The following ANK2 variants were observed in gnomAD, a reference collection of about 807,000 sequenced individuals.
ANK2 encodes the protein ankyrin 2.
ANK2 carries 83 observed loss-of-function variants against 360.5 expected under a neutral mutation model. That is an observed-to-expected ratio of 0.23 (90% CI 0.19 to 0.28). The LOEUF (loss-of-function observed/expected upper bound fraction) is 0.28, where lower values mean the gene tolerates loss of function less well. Among genes scored for constraint, ANK2 ranks in the 10% least tolerant of loss-of-function variants. ANK2 has a pLI of 1.00. For missense variants in ANK2, 4,201 were observed against 4,795.7 expected (o/e 0.88, Z 3.66); for synonymous variants, 1,740 against 1,759.5 (o/e 0.99, Z 0.28).
chr4:113,373,019 T>C, intron 43 of ANK2, 71 bp from the exon 44 acceptor site: 2 of 1,240,800 alleles, frequency 1.6e-6, no homozygotes, highest in Non-Finnish European at 2.4e-6. Context: ...CCTCACATTA[T>C]AAGCACTTGG....
intron 1 of ANK2, among the ~76,000 whole-genome samples, chr4:112,896,409 A>C (rs923063764): frequency 6.6e-6 from 1 of 152,234 alleles, no homozygotes; most frequent in African/African-American, 2.4e-5. Flanking sequence ...TATTTAAGCA[A>C]GTAACAATTC....
rs569369565 is a variant in ANK2, at chr4:113,023,665, T to C, written c.21+119151T>C. Among the ~76,000 whole-genome samples, 5 of 152,354 alleles carry C rather than the reference T, an allele frequency of 3.3e-5. No homozygotes were observed. In the South Asian group the frequency reaches 1.0e-3, roughly 32 times the overall value. On this transcript the variant is annotated intron_variant, in intron 2 of 30. Transcript: ENST00000503271. ...CTCCACCGGCAACATTTCATCTTCATTTATTTAATCGTTGTTTTCTGTCTT... is the reference window on the plus strand; with the variant it reads ...CTCCACCGGCAACATTTCATCTTCACTTATTTAATCGTTGTTTTCTGTCTT...
At chr4:112,906,316 G>A (rs1032636562) in intron 2 of ANK2, among the ~76,000 whole-genome samples, 1 of 152,092 alleles carries the variant, frequency 6.6e-6, no homozygotes, top group African/African-American at 2.4e-5. Context: ...GAGAAGCAGG[G>A]GTAGAAACCA....
At chr4:113,344,247 C>T (rs1025506068) in intron 34 of ANK2, among the ~76,000 whole-genome samples, 2 of 152,134 alleles carry the variant, frequency 1.3e-5, no homozygotes, top group Non-Finnish European at 2.9e-5. Flanking sequence ...CTTCAGTAGA[C>T]ATTTCTCCAA....
intron 1 of ANK2, among the ~76,000 whole-genome samples, chr4:112,845,583 G>T (rs947246775): frequency 2.0e-5 from 3 of 152,116 alleles, no homozygotes; most frequent in Non-Finnish European, 4.4e-5. Flanking sequence ...CCCTCTCCTG[G>T]GGTTGGGGAA....
At chr4:113,313,783 C>A (rs908481963) in intron 24 of ANK2, 1 of 7,208 alleles carries the variant, frequency 1.4e-4, no homozygotes, top group African/African-American at 4.7e-4. Flanking sequence ...TGTGTGTTGC[C>A]GGGGCGGGGG....
chr4:112,977,405 A>G (rs2041792350), intron 2 of ANK2, among the ~76,000 whole-genome samples: 2 of 152,080 alleles, frequency 1.3e-5, no homozygotes, highest in Non-Finnish European at 2.9e-5. Context: ...TAATTTTAAG[A>G]TATAAAGAAA....
chr4:113,237,466 G>A, intron 6 of ANK2, 133 bp from the exon 7 acceptor site: 1 of 897,910 alleles, frequency 1.1e-6, no homozygotes, highest in South Asian at 1.3e-5. Context: ...GGTGCTTGGG[G>A]ATGTCTTCTT....
intron 2 of ANK2, among the ~76,000 whole-genome samples, chr4:112,942,072 T>C (rs1046850545): frequency 1.3e-5 from 2 of 152,026 alleles, no homozygotes; most frequent in Non-Finnish European, 1.5e-5. Context: ...ATTTTCCTAA[T>C]TTTCTATAAT....
rs957255788 is a variant in ANK2, at chr4:113,330,292, G to C, written c.2947G>C (p.Gly983Arg). The C allele has an allele frequency of 6.2e-7, 1 of 1,614,092 alleles. No homozygotes were observed. Among genetic ancestry groups the C allele is most frequent in the African/African-American group, 1.3e-5 (1 of 74,950 alleles). Residue 983 changes from glycine (G) to arginine (R), a missense_variant, in exon 27 of 46, where the codon GGA becomes CGA. Physicochemically the swap from Gly to Arg is moderately radical, Grantham distance 125. Around this residue, in one of 4 missense-constraint regions of ANK2, gnomAD observed 1,268 missense variants for 1,650.8 expected, o/e 0.77. Transcript: ENST00000357077. ...MVDARGGAMRGCRHNGLRIII... is the reference protein window; with the variant it reads ...MVDARGGAMRRCRHNGLRIII... ...GGATGCCCGAGGTGGTGCTATGCGA[G>C]GATGCAGACACAATGGGCTCCGAAT...
At chr4:112,760,583 G>A in the ANK2 span, among the ~76,000 whole-genome samples, 1 of 148,812 alleles carries the variant, frequency 6.7e-6, no homozygotes, top group African/African-American at 2.5e-5. Flanking sequence ...GGGTACATGT[G>A]CACAACGTGC....
chr4:113,027,625 C>T (rs2059557549), intron 2 of ANK2, among the ~76,000 whole-genome samples: 1 of 152,070 alleles, frequency 6.6e-6, no homozygotes, highest in East Asian at 1.9e-4. Flanking sequence ...CCCCAGGTGT[C>T]TTACAGCCAT....
At chr4:112,958,619 GA>G (rs112599902) in intron 2 of ANK2, among the ~76,000 whole-genome samples, 1,861 of 151,776 alleles carry the variant, frequency 0.012, 35 homozygotes, top group African/African-American at 0.041. Flanking sequence ...GGGAGAGGGA[GA>G]GGGGGGAGAG....
chr4:112,812,657 A>C, the ANK2 span, among the ~76,000 whole-genome samples: 2 of 152,174 alleles, frequency 1.3e-5, no homozygotes, highest in Non-Finnish European at 2.9e-5. Context: ...CCCTTCCCAG[A>C]CTACAGATTT....
chr4:113,263,715 A>G (rs927559688), intron 13 of ANK2, among the ~76,000 whole-genome samples: 2 of 152,222 alleles, frequency 1.3e-5, no homozygotes, highest in African/African-American at 4.8e-5. Flanking sequence ...GGAATGGTTT[A>G]CTTTACTTGG....
chr4:112,852,101 T>C (rs1282100916), intron 1 of ANK2, among the ~76,000 whole-genome samples: 1 of 152,254 alleles, frequency 6.6e-6, no homozygotes, highest in African/African-American at 2.4e-5. Context: ...TTAGACTAGA[T>C]AGAAACTGGA....
the ANK2 span, among the ~76,000 whole-genome samples, chr4:112,764,947 C>G: frequency 6.6e-6 from 1 of 151,776 alleles, no homozygotes; most frequent in African/African-American, 2.4e-5. Context: ...CTCAGGTGAT[C>G]CACCCACCTT....
chr4:112,943,502 G>C (rs2094366639), intron 2 of ANK2, among the ~76,000 whole-genome samples: 1 of 151,980 alleles, frequency 6.6e-6, no homozygotes, highest in Non-Finnish European at 1.5e-5. Flanking sequence ...CTCTGTGGCT[G>C]TTGTGTGATA....
chr4:113,311,391 A>G lies in ANK2; in HGVS notation c.2685A>G (p.Arg895=). ...NYLRYSLEGG[R]SDSLRSFSSD... is the part of the protein sequence containing the mutation. ...TGCGATACAGCTTGGAGGGAGGACG[A>G]TCTGACAGGTATCTCATAAAACTTA... is the stretch of plus-strand genomic sequence containing the variant. The change falls in exon 24 of 46, where the codon CGA becomes CGG. Residue 895 remains arginine (R), a synonymous_variant. Coordinates refer to ENST00000357077, the MANE Select transcript of ANK2 (RefSeq NM_001148.6). 1 of 1,614,122 alleles carries G rather than the reference A, an allele frequency of 6.2e-7. No homozygotes were observed. Among genetic ancestry groups the G allele is most frequent in the Non-Finnish European group, 8.5e-7 (1 of 1,180,008 alleles).
Sources: allele counts gnomAD v4.1 joint callset (sites outside exome capture counted in the v4.1 genomes callset), GRCh38; gene constraint gnomAD v4.1.1; regional missense constraint gnomAD v4.1.1; transcripts MANE v1.5; gene names NCBI Gene and HGNC (gene_info 2026-07-23, HGNC 2026-07-21).